The following STIL variants were observed in gnomAD, a reference collection of about 807,000 sequenced individuals.
STIL encodes SCL-interrupting locus protein.
A neutral mutation model predicts 110.1 loss-of-function variants in STIL; 55 were observed. That is an observed-to-expected ratio of 0.50 (90% CI 0.40 to 0.63). The LOEUF (loss-of-function observed/expected upper bound fraction) is 0.63, where lower values mean the gene tolerates loss of function less well. STIL is among the 20% of genes least tolerant of loss of function. The pLI, the probability that STIL is intolerant of heterozygous loss-of-function variation, is 0.00. For missense variants in STIL, 1,358 were observed against 1,530.0 expected, an observed-to-expected ratio of 0.89 and a Z score of 1.87; for synonymous variants, 481 against 530.0, an observed-to-expected ratio of 0.91 and a Z score of 1.27.
intron 8 of STIL, among the ~76,000 whole-genome samples, chr1:47,290,601 G>A (rs1024754582): frequency 2.0e-5 from 3 of 151,970 alleles, no homozygotes; most frequent in Admixed American, 1.3e-4. Context: ...TACTCGGGAG[G>A]CTGAGGCAGG....
chr1:47,313,505 G>A (rs1040552729), intron 1 of STIL, among the ~76,000 whole-genome samples: 2 of 151,752 alleles, frequency 1.3e-5, no homozygotes, highest in Non-Finnish European at 2.9e-5. Flanking sequence ...ATCTGCACAG[G>A]ATGCCTCCCT....
At chr1:47,260,241 T>A (rs1349792197) in intron 16 of STIL, 48 bp downstream of exon 16, 31 of 1,525,410 alleles carry the variant, frequency 2.0e-5, no homozygotes, top group African/African-American at 2.8e-5. Context: ...TAAAAATTTT[T>A]AAAAAATAAA....
intron 16 of STIL, among the ~76,000 whole-genome samples, chr1:47,252,674 G>T (rs1187717236): frequency 6.6e-6 from 1 of 151,794 alleles, no homozygotes; most frequent in Non-Finnish European, 1.5e-5. Flanking sequence ...TTATATAACA[G>T]TACAAGCTTT....
intron 16 of STIL, among the ~76,000 whole-genome samples, chr1:47,260,043 C>T (rs1444767766): frequency 6.6e-6 from 1 of 152,146 alleles, no homozygotes; most frequent in Non-Finnish European, 1.5e-5. Context: ...CCCACAATAT[C>T]TCTCAAATTA....
rs778666339 is a variant in STIL at position 47,251,129 on chromosome 1, T to C, written c.*7A>G. 6.2e-7 allele frequency: 1 copy of C among 1,613,352 alleles called. No individual in the cohort carries two copies. Among genetic ancestry groups the C allele is most frequent in the Non-Finnish European group, 8.5e-7 (1 of 1,179,826 alleles). On this transcript the variant is annotated 3_prime_UTR_variant, in exon 17 of 17. Transcript: ENST00000371877. Reference sequence around the variant, plus strand: ...TCCCTGTATTAAAAGGGCAGGGAGTTAAAAGGTTAAAATAATTTTGGTAAC... The same window carrying C: ...TCCCTGTATTAAAAGGGCAGGGAGTCAAAAGGTTAAAATAATTTTGGTAAC...
Position 47,269,855 on chromosome 1 carries a change from A to C in STIL, c.2395T>G (p.Phe799Val). Residue 799 changes from phenylalanine (F) to valine (V), a missense_variant, in exon 14 of 17, where the codon TTT becomes GTT. By Grantham distance (50) the Phe-to-Val change is conservative. Transcript: ENST00000371877. ...TGATCCTCACCTGCTGCATTCCAAA[A>C]CAAGCTAGCACCTGGAGGTTAAATA... ...SIAVSTGASL[F>V]WNAAGEDQEP... is the part of the protein sequence containing the mutation. 3 of 1,613,990 alleles carry C rather than the reference A, an allele frequency of 1.9e-6. No homozygotes were observed. Among genetic ancestry groups the C allele is most frequent in the Non-Finnish European group, 2.5e-6 (3 of 1,179,866 alleles).
rs140736764 is a variant in STIL at position 47,296,303 on chromosome 1, T to G, written c.702-455A>C. 2.7e-3 allele frequency among the ~76,000 whole-genome samples: 414 copies of G among 152,314 alleles called. 2 individuals are homozygous for G. Among genetic ancestry groups the G allele is most frequent in the African/African-American group, 9.5e-3 (396 of 41,570 alleles). ...GAAGGAGACTGAATTAGGAGAAGTA[T>G]GATCAACCTTCCATGTGCCATATTC... On this transcript the variant is annotated intron_variant, in intron 6 of 16. Transcript: ENST00000371877.
intron 14 of STIL, among the ~76,000 whole-genome samples, chr1:47,267,451 T>A (rs1037820497): frequency 2.6e-5 from 4 of 151,942 alleles, no homozygotes; most frequent in Admixed American, 6.6e-5. Context: ...ATACCAGTAA[T>A]CCCAACAATT....
At chr1:47,262,618 C>T (rs547280019) in intron 15 of STIL, among the ~76,000 whole-genome samples, 197 of 152,232 alleles carry the variant, frequency 1.3e-3, no homozygotes, top group Non-Finnish European at 1.7e-3. Context: ...CCGAGAAACT[C>T]TTGCTTATTT....
intron 7 of STIL, among the ~76,000 whole-genome samples, chr1:47,294,252 A>C (rs1645577799): frequency 6.6e-6 from 1 of 152,198 alleles, no homozygotes; most frequent in African/African-American, 2.4e-5. Context: ...CTAAGTGTTC[A>C]CTTTCCATAC....
At chr1:47,263,419 C>T (rs1334153562) in intron 14 of STIL, among the ~76,000 whole-genome samples, 1 of 152,186 alleles carries the variant, frequency 6.6e-6, no homozygotes, top group African/African-American at 2.4e-5. Flanking sequence ...ACACCATGCA[C>T]CTGTAATCCT....
At chr1:47,282,659 C>T (rs1645184779) in intron 10 of STIL, 200 bp from the exon 11 acceptor site, 2 of 535,086 alleles carry the variant, frequency 3.7e-6, no homozygotes, top group South Asian at 2.1e-5. Flanking sequence ...TAATAAACTA[C>T]CCTATTTACC....
chr1:47,258,992 CTTTT>C (rs549227243), intron 16 of STIL, among the ~76,000 whole-genome samples: 4 of 94,402 alleles, frequency 4.2e-5, no homozygotes, highest in Admixed American at 1.2e-4. Flanking sequence ...AGTAACTTTG[CTTTT>C]TTTTTTTTTT....
intron 14 of STIL, among the ~76,000 whole-genome samples, chr1:47,264,925 A>G (rs1216226151): frequency 1.3e-5 from 1 of 77,596 alleles, no homozygotes; most frequent in Admixed American, 1.2e-4. Flanking sequence ...ATCTGTTTCT[A>G]AAGTTAAAAA....
At chr1:47,281,305 TTACA>T (rs1490283870) in intron 11 of STIL, 96 bp from the exon 12 acceptor site, 1 of 1,229,004 alleles carries the variant, frequency 8.1e-7, no homozygotes, top group East Asian at 2.5e-5. Flanking sequence ...TTATATCTAA[TTACA>T]TATTAACAAG....
chr1:47,285,406 T>A (rs957505673), intron 10 of STIL, among the ~76,000 whole-genome samples: 3 of 152,192 alleles, frequency 2.0e-5, no homozygotes, highest in South Asian at 2.1e-4. Context: ...TATCTCTACA[T>A]ACACACATCT....
At chr1:47,270,253 TATACACACAC>T (rs1434248043) in intron 13 of STIL, among the ~76,000 whole-genome samples, 5 of 118,230 alleles carry the variant, frequency 4.2e-5, no homozygotes, top group East Asian at 2.6e-4. Flanking sequence ...TATATATATA[TATACACACAC>T]ACACACACAC....
chr1:47,310,130 G>A lies in STIL; in HGVS notation c.44+146C>T, dbSNP rs993957004. 7.7e-5 allele frequency: 50 copies of A among 648,456 alleles called. 1 individual carries two copies. The highest frequency in any genetic ancestry group is 6.6e-4 in the African/African-American group (36 of 54,580). 40.2% of individuals were successfully genotyped at this position (648,456 alleles called of 1,614,324 possible). On this transcript the variant is annotated intron_variant, in intron 2 of 16. Coordinates refer to ENST00000371877, the MANE Select transcript of STIL (RefSeq NM_001048166.1). ...AGGCTTAGTTAATTAACTTGATCAC[G>A]GTCACCCACCTAACAAGTGGTAGAG... is the stretch of plus-strand genomic sequence containing the variant.
chr1:47,299,982 G>A lies in STIL; in HGVS notation c.624C>T (p.Pro208=), dbSNP rs765389583. Residue 208 remains proline (P), a synonymous_variant, in exon 6 of 17, where the codon CCC becomes CCT. Coordinates refer to ENST00000371877, the MANE Select transcript of STIL (RefSeq NM_001048166.1). ...NFKCTPVKPI[P]IIPTALARNL... is the part of the protein sequence containing the mutation. ...TTCTTGCCAGAGCTGTTGGAATAAT[G>A]GGGATGGGCTTCACAGGTGTGCATT... 12 of 1,614,110 alleles carry A rather than the reference G, an allele frequency of 7.4e-6. No homozygotes were observed. The highest frequency in any genetic ancestry group is 6.8e-6 in the Non-Finnish European group (8 of 1,180,002).
Sources: allele counts gnomAD v4.1 joint callset (sites outside exome capture counted in the v4.1 genomes callset), GRCh38; gene constraint gnomAD v4.1.1; transcripts MANE v1.5; gene names NCBI Gene and HGNC (gene_info 2026-07-23, HGNC 2026-07-21).